MACROD2: variants seen among roughly 807,000 people sequenced by gnomAD.
MACROD2 encodes the protein ADP-ribose glycohydrolase MACROD2.
MACROD2 carries 36 observed loss-of-function variants against 70.4 expected under a neutral mutation model. That is an observed-to-expected ratio of 0.51 (90% confidence interval 0.39 to 0.68). The LOEUF (loss-of-function observed/expected upper bound fraction) is 0.68, where lower values mean the gene tolerates loss of function less well. Among genes scored for constraint, MACROD2 ranks in the 30% least tolerant of loss-of-function variants. The probability of loss-of-function intolerance (pLI) is 0.00; values close to 1 mark genes in which losing one functional copy is unlikely to be tolerated. For synonymous variants in MACROD2, 172 were observed against 178.8 expected, an observed-to-expected ratio of 0.96 and a Z score of 0.30; for missense variants, 496 against 538.4, an observed-to-expected ratio of 0.92 and a Z score of 0.78.
At chr20:14,712,204 C>T (rs2071347010) in intron 5 of MACROD2, among the ~76,000 whole-genome samples, 1 of 152,006 alleles carries the variant, frequency 6.6e-6, no homozygotes, top group African/African-American at 2.4e-5. Context: ...CTTATTTCAT[C>T]CCTGTACTTC....
chr20:14,479,050 A>G (rs1279726718), intron 3 of MACROD2, among the ~76,000 whole-genome samples: 1 of 152,080 alleles, frequency 6.6e-6, no homozygotes, highest in African/African-American at 2.4e-5. Flanking sequence ...CTCCCTCACC[A>G]GCATCTCCCA....
At chr20:15,192,658 C>G (rs1332881834) in intron 5 of MACROD2, among the ~76,000 whole-genome samples, 1 of 152,174 alleles carries the variant, frequency 6.6e-6, no homozygotes, top group Non-Finnish European at 1.5e-5. Flanking sequence ...CTGGATTACT[C>G]TGTCTGTATC....
chr20:15,671,985 G>T lies in MACROD2; in HGVS notation c.645+172138G>T, dbSNP rs78149684. ...TTTGTAAAGAAATCATTCCTGCAGA[G>T]ATGTAAAGACTGGTTAGTAACCTGA... On this transcript the variant is annotated intron_variant, in intron 8 of 17. Coordinates refer to ENST00000684519, the MANE Select transcript of MACROD2 (RefSeq NM_001351661.2). 1.7e-3 allele frequency among the ~76,000 whole-genome samples: 260 copies of T among 152,296 alleles called. 1 individual carries two copies. The highest frequency in any genetic ancestry group is 6.1e-3 in the Admixed American group (93 of 15,294).
intron 3 of MACROD2, among the ~76,000 whole-genome samples, chr20:14,226,366 G>T (rs1463817800): frequency 6.6e-6 from 1 of 152,216 alleles, no homozygotes; most frequent in Admixed American, 6.5e-5. Context: ...CACAGCCTTC[G>T]CTCGCTCTCG....
intron 8 of MACROD2, among the ~76,000 whole-genome samples, chr20:15,741,425 G>A (rs140853198): frequency 6.6e-6 from 1 of 152,012 alleles, no homozygotes; most frequent in East Asian, 1.9e-4. Flanking sequence ...CACTGCTTCC[G>A]ACTGATATTG....
intron 4 of MACROD2, among the ~76,000 whole-genome samples, chr20:14,627,892 G>A (rs1004731054): frequency 6.6e-6 from 1 of 152,086 alleles, no homozygotes; most frequent in African/African-American, 2.4e-5. Context: ...AGGACCTGAT[G>A]GACAAAAGGG....
intron 5 of MACROD2, among the ~76,000 whole-genome samples, chr20:14,859,350 G>A (rs997217193): frequency 7.9e-5 from 12 of 152,052 alleles, no homozygotes; most frequent in African/African-American, 2.4e-4. Context: ...TTGCTGGTGT[G>A]GAATTAAGAA....
At chr20:14,121,123 C>G (rs1484138521) in intron 3 of MACROD2, among the ~76,000 whole-genome samples, 2 of 151,872 alleles carry the variant, frequency 1.3e-5, no homozygotes, top group African/African-American at 4.8e-5. Flanking sequence ...AGCATTGAGA[C>G]AAAAATTGGA....
intron 6 of MACROD2, among the ~76,000 whole-genome samples, chr20:15,381,751 C>A (rs972298369): frequency 6.6e-6 from 1 of 152,058 alleles, no homozygotes; most frequent in Non-Finnish European, 1.5e-5. Context: ...GACTTACCAG[C>A]GTGGGAAGTG....
chr20:14,986,090 T>C (rs1568913254), intron 5 of MACROD2, among the ~76,000 whole-genome samples: 1 of 152,208 alleles, frequency 6.6e-6, no homozygotes, highest in African/African-American at 2.4e-5. Flanking sequence ...ACAGACATCA[T>C]AGTTGGCATA....
intron 3 of MACROD2, among the ~76,000 whole-genome samples, chr20:14,292,361 C>T (rs915303252): frequency 6.6e-6 from 1 of 151,854 alleles, no homozygotes; most frequent in African/African-American, 2.4e-5. Flanking sequence ...GGTGTTGCCA[C>T]TGGCAGCTAG....
intron 4 of MACROD2, among the ~76,000 whole-genome samples, chr20:14,519,846 A>G (rs1289233697): frequency 1.3e-5 from 2 of 152,232 alleles, no homozygotes; most frequent in Admixed American, 6.5e-5. Flanking sequence ...CTGGATAAAG[A>G]AAACATGGTA....
chr20:14,473,863 C>T (rs2084559041), intron 3 of MACROD2, among the ~76,000 whole-genome samples: 1 of 151,948 alleles, frequency 6.6e-6, no homozygotes, highest in Admixed American at 6.6e-5. Flanking sequence ...GAGATGATGT[C>T]TCCTTTTAGT....
At chr20:14,436,672 A>G (rs1309517783) in intron 3 of MACROD2, among the ~76,000 whole-genome samples, 11 of 152,156 alleles carry the variant, frequency 7.2e-5, no homozygotes, top group Non-Finnish European at 1.6e-4. Context: ...AACTTAGTCA[A>G]CTGTAGGCTT....
At chr20:14,101,800 C>A (rs1601225419) in intron 3 of MACROD2, among the ~76,000 whole-genome samples, 1 of 151,332 alleles carries the variant, frequency 6.6e-6, no homozygotes, top group African/African-American at 2.4e-5. Flanking sequence ...AAACGTGAGA[C>A]AACAGCTGCT....
At chr20:14,009,858 C>T (rs544674196) in intron 2 of MACROD2, among the ~76,000 whole-genome samples, 5 of 152,128 alleles carry the variant, frequency 3.3e-5, no homozygotes, top group Non-Finnish European at 7.3e-5. Flanking sequence ...GCTCGACAAA[C>T]TCTAACGCAG....
chr20:14,661,138 C>T (rs1600510654), intron 4 of MACROD2, among the ~76,000 whole-genome samples: 1 of 152,018 alleles, frequency 6.6e-6, no homozygotes, highest in Non-Finnish European at 1.5e-5. Context: ...TGGCTTTCTA[C>T]AGGGGCTGAA....
At position 16,051,413 on chromosome 20, in the gene MACROD2, C is replaced by A. The variant is rs1365038018; in HGVS notation, c.*1537C>A. The A allele has an allele frequency of 2.0e-5, 3 of 152,088 alleles. No individual in the cohort carries two copies. The highest frequency in any genetic ancestry group is 4.2e-4 in the South Asian group (2 of 4,816). 9.4% of individuals were successfully genotyped at this position (152,088 alleles called of 1,614,324 possible). On this transcript the variant is annotated 3_prime_UTR_variant, in exon 18 of 18. Coordinates refer to ENST00000684519, the MANE Select transcript of MACROD2 (RefSeq NM_001351661.2). ...GGTTTTAGCCTTTCTGAATTTGTTA[C>A]CCCTTCTGGATGGCTTATTTGATAT...
At chr20:14,846,860 AT>A (rs2073147558) in intron 5 of MACROD2, among the ~76,000 whole-genome samples, 1 of 152,134 alleles carries the variant, frequency 6.6e-6, no homozygotes, top group Non-Finnish European at 1.5e-5. Flanking sequence ...ATTAAATTTT[AT>A]TTCAGTTATA....
Sources: allele counts gnomAD v4.1 joint callset (sites outside exome capture counted in the v4.1 genomes callset), GRCh38; gene constraint gnomAD v4.1.1; transcripts MANE v1.5; gene names NCBI Gene and HGNC (gene_info 2026-07-23, HGNC 2026-07-21).